The following ERO1B variants were observed in gnomAD, a reference collection of about 807,000 sequenced individuals.
ERO1B encodes endoplasmic reticulum oxidoreductase 1 beta.
ERO1B carries 49 observed loss-of-function variants against 75.3 expected under a neutral mutation model. The observed-to-expected ratio is 0.65, with a 90% confidence interval of 0.52 to 0.83. ERO1B has a LOEUF of 0.83. Among genes scored for constraint, ERO1B ranks in the 40% least tolerant of loss-of-function variants. ERO1B has a pLI of 0.00. For missense variants in ERO1B, 512 were observed against 560.1 expected, an observed-to-expected ratio of 0.91 and a Z score of 0.87; for synonymous variants, 191 against 192.9, an observed-to-expected ratio of 0.99 and a Z score of 0.08.
intron 2 of ERO1B, among the ~76,000 whole-genome samples, chr1:236,264,592 C>G (rs1214311450): frequency 6.6e-6 from 1 of 152,106 alleles, no homozygotes; most frequent in African/African-American, 2.4e-5. Flanking sequence ...GCATATCATC[C>G]TAGCACTTTG....
chr1:236,245,325 CACACGTATATATAT>C (rs1664824521), intron 5 of ERO1B, among the ~76,000 whole-genome samples: 1 of 15,926 alleles, frequency 6.3e-5, no homozygotes, highest in African/African-American at 1.5e-4. Context: ...TATATATACA[CACACGTATATATAT>C]ACGTATATAT....
intron 6 of ERO1B, among the ~76,000 whole-genome samples, chr1:236,241,992 T>TG (rs1572044433): frequency 1.3e-5 from 2 of 148,150 alleles, no homozygotes; most frequent in Non-Finnish European, 3.0e-5. Context: ...GGCGTGAACC[T>TG]GGGGGGCGGA....
chr1:236,281,850 C>T lies in ERO1B; in HGVS notation c.-67G>A. ...GCCGGGGAACGACGGGCGGCCCAGG[C>T]GACGACCCAAGGGGACGGTTCCCAG... On this transcript the variant is annotated 5_prime_UTR_variant, in exon 1 of 16. Transcript: ENST00000354619. The T allele has an allele frequency of 2.4e-6, 3 of 1,224,514 alleles. No homozygotes were observed. Among genetic ancestry groups the T allele is most frequent in the East Asian group, 3.1e-5 (1 of 32,166 alleles). The allele number at this position is 1,224,514 out of a possible 1,614,324, so 75.9% of individuals were successfully genotyped here. A position where few individuals can be genotyped will look rare whatever the true frequency, so the allele number is the denominator to read the frequency against.
chr1:236,234,493 A>C (rs972309249), intron 8 of ERO1B, among the ~76,000 whole-genome samples: 4 of 152,202 alleles, frequency 2.6e-5, no homozygotes, highest in African/African-American at 4.8e-5. Flanking sequence ...AATTTTTATA[A>C]AATTTTGTTT....
At chr1:236,240,749 C>A (rs1368717670) in intron 6 of ERO1B, among the ~76,000 whole-genome samples, 1 of 152,144 alleles carries the variant, frequency 6.6e-6, no homozygotes, top group African/African-American at 2.4e-5. Flanking sequence ...AAAGCCCTTG[C>A]CCTCAAATAG....
chr1:236,216,711 T>C lies in ERO1B; in HGVS notation c.*1805A>G, dbSNP rs1663989487. The C allele has an allele frequency of 6.6e-6, 1 of 152,066 alleles. No homozygotes were observed. The highest frequency in any genetic ancestry group is 2.1e-4 in the South Asian group (1 of 4,834). The allele number at this position is 152,066 out of a possible 1,614,324, so 9.4% of individuals were successfully genotyped here. A position where few individuals can be genotyped will look rare whatever the true frequency, so the allele number is the denominator to read the frequency against. ...AACTGAGGGAGTGGTGAAATAACAC[T>C]ATCAAAAAGTTCTTTACATTTAGAG... On this transcript the variant is annotated 3_prime_UTR_variant, in exon 16 of 16. Transcript: ENST00000354619.
At chr1:236,229,718 C>T (rs1328195330) in intron 10 of ERO1B, among the ~76,000 whole-genome samples, 1 of 152,134 alleles carries the variant, frequency 6.6e-6, no homozygotes, top group Non-Finnish European at 1.5e-5. Flanking sequence ...ATTTTCAACA[C>T]TGGAAGTACA....
At chr1:236,223,006 C>A (rs921739558) in intron 13 of ERO1B, among the ~76,000 whole-genome samples, 2 of 151,936 alleles carry the variant, frequency 1.3e-5, no homozygotes, top group Admixed American at 1.3e-4. Flanking sequence ...AGTTTGAGAC[C>A]AGCCTAAACA....
chr1:236,233,170 A>T (rs1265670971), intron 8 of ERO1B, among the ~76,000 whole-genome samples: 1 of 151,892 alleles, frequency 6.6e-6, no homozygotes, highest in Non-Finnish European at 1.5e-5. Context: ...TTAGCCAGGC[A>T]TGGTGGCATG....
chr1:236,275,384 T>G (rs1665688368), intron 1 of ERO1B, among the ~76,000 whole-genome samples: 1 of 152,232 alleles, frequency 6.6e-6, no homozygotes, highest in African/African-American at 2.4e-5. Context: ...AAAGACACTT[T>G]ACTTACAGTT....
Position 236,226,656 on chromosome 1 carries a change from G to A in ERO1B, c.796C>T (p.Leu266Phe), listed in dbSNP as rs976147498. 6.2e-7 allele frequency: 1 copy of A among 1,609,944 alleles called. No individual in the cohort carries two copies. Among genetic ancestry groups the A allele is most frequent in the Non-Finnish European group, 8.5e-7 (1 of 1,179,144 alleles). ...TTAAAAATATGATTACCTTCCAAAA[G>A]ATAATTTGCGCATAGATGTAAATTG... ...SINLHLCANY[L>F]LEETWGKPSW... is the part of the protein sequence containing the mutation. Residue 266 changes from leucine to phenylalanine, a missense_variant, in exon 11 of 16, where the codon CTT becomes TTT. Physicochemically the swap from Leu to Phe is conservative, Grantham distance 22. Coordinates refer to ENST00000354619, the MANE Select transcript of ERO1B (RefSeq NM_019891.4).
At chr1:236,274,757 C>T (rs200686472) in intron 1 of ERO1B, among the ~76,000 whole-genome samples, 1 of 85,014 alleles carries the variant, frequency 1.2e-5, no homozygotes, top group Non-Finnish European at 3.7e-5. Context: ...AAAAAAAAGA[C>T]AGACAAAAAT....
At chr1:236,235,895 T>G (rs967002560) in intron 7 of ERO1B, 60 bp from the exon 8 acceptor site, 1 of 1,454,396 alleles carries the variant, frequency 6.9e-7, no homozygotes, top group African/African-American at 1.4e-5. Flanking sequence ...GTGTATAATT[T>G]TATTCCAATA....
chr1:236,252,080 C>A lies in ERO1B; in HGVS notation c.318G>T (p.Pro106=), dbSNP rs369785458. Residue 106 remains proline (P), a synonymous_variant, in exon 4 of 16, where the codon CCG becomes CCT. Transcript: ENST00000354619. ...TAGAATGCCCAGCTTTTATTCCAAC[C>A]GGAATTTTACTCTTAAAAAAACAAG... is the stretch of plus-strand genomic sequence containing the variant. ...HVEPCPESKI[P]VGIKAGHSNK... is the part of the protein sequence containing the mutation. 3 of 1,597,940 alleles carry A rather than the reference C, an allele frequency of 1.9e-6. No individual in the cohort carries two copies. The highest frequency in any genetic ancestry group is 1.7e-5 in the Admixed American group (1 of 58,402).
intron 6 of ERO1B, among the ~76,000 whole-genome samples, chr1:236,241,083 T>A (rs1664686661): frequency 6.6e-6 from 1 of 152,180 alleles, no homozygotes; most frequent in African/African-American, 2.4e-5. Flanking sequence ...TCTATAGGGA[T>A]CATCTTCCAT....
intron 1 of ERO1B, 151 bp from the exon 2 acceptor site, chr1:236,270,145 T>C (rs1417509259): frequency 3.6e-6 from 2 of 550,760 alleles, no homozygotes; most frequent in Non-Finnish European, 6.2e-6. Flanking sequence ...TACTTTTTAC[T>C]GTGGCCAATG....
rs1389346696 is a variant in ERO1B at position 236,254,482 on chromosome 1, T to C, written c.223-977A>G. ...CCCATCACCCTTAGAGTTTATAAAC[T>C]CTGCAGCAAGCTCCACAAGGCCCTC... is the stretch of plus-strand genomic sequence containing the variant. On this transcript the variant is annotated intron_variant, in intron 2 of 15. Coordinates refer to ENST00000354619, the MANE Select transcript of ERO1B (RefSeq NM_019891.4). Among the ~76,000 whole-genome samples the C allele has an allele frequency of 5.9e-5, 9 of 152,158 alleles. 1 individual carries two copies. The East Asian group carries it at 1.7e-3, about 29-fold the overall frequency.
intron 15 of ERO1B, among the ~76,000 whole-genome samples, chr1:236,219,749 A>AGT (rs1236162432): frequency 2.0e-5 from 3 of 152,158 alleles, no homozygotes; most frequent in Non-Finnish European, 4.4e-5. Context: ...GGCCAGGTAC[A>AGT]GTGGCTCATG....
At chr1:236,235,547 A>G (rs1664518831) in intron 8 of ERO1B, among the ~76,000 whole-genome samples, 1 of 152,208 alleles carries the variant, frequency 6.6e-6, no homozygotes, top group Admixed American at 6.5e-5. Context: ...TATTTTAATT[A>G]TTTTACATAA....
Sources: gnomAD v4.1 joint callset for allele counts (sites outside exome capture counted in the v4.1 genomes callset) on GRCh38, gnomAD v4.1.1 for gene constraint, MANE v1.5 for transcripts, NCBI Gene and HGNC (gene_info 2026-07-23, HGNC 2026-07-21) for gene names.